The following DOCK2 variants were observed in gnomAD, a reference collection of about 807,000 sequenced individuals.
DOCK2 encodes dedicator of cytokinesis protein 2.
A neutral mutation model predicts 248.9 loss-of-function variants in DOCK2; 87 were observed. The observed-to-expected ratio is 0.35, with a 90% CI of 0.29 to 0.42. The LOEUF is 0.42. Ranked by LOEUF, DOCK2 falls within the 10% of genes least tolerant of loss-of-function variation. The pLI is 1.00. For missense variants in DOCK2, 1,747 were observed against 2,300.2 expected (o/e 0.76, Z 4.92); for synonymous variants, 805 against 821.6 (o/e 0.98, Z 0.35).
At chr5:169,854,188 A>T (rs1049332105) in intron 27 of DOCK2, among the ~76,000 whole-genome samples, 8 of 136,538 alleles carry the variant, frequency 5.9e-5, no homozygotes, top group South Asian at 4.7e-4. Context: ...TTACTGAAAC[A>T]TTTTTTTTTT....
At chr5:169,978,618 T>A (rs4867906) in intron 27 of DOCK2, among the ~76,000 whole-genome samples, 38,270 of 151,956 alleles carry the variant, frequency 0.25, 5,051 homozygotes, top group East Asian at 0.38. Context: ...GGGTTTCTCT[T>A]CTTCTCTCTC....
intron 25 of DOCK2, among the ~76,000 whole-genome samples, chr5:169,791,673 A>T (rs1766342906): frequency 6.6e-6 from 1 of 152,210 alleles, no homozygotes; most frequent in Non-Finnish European, 1.5e-5. Context: ...TTGGAGTCAG[A>T]CAGGTCCATG....
intron 27 of DOCK2, among the ~76,000 whole-genome samples, chr5:169,944,821 A>C (rs1438349529): frequency 3.3e-5 from 5 of 152,212 alleles, no homozygotes; most frequent in Admixed American, 2.0e-4. Flanking sequence ...GTTTCTGACC[A>C]TGGGAACAGC....
In DOCK2 at chr5:169,852,073, C is replaced by T. The variant is rs182789115; in HGVS notation, c.2799+11221C>T. 4.4e-3 allele frequency among the ~76,000 whole-genome samples: 665 copies of T among 151,880 alleles called. 8 individuals carry two copies. Among genetic ancestry groups the T allele is most frequent in the African/African-American group, 0.015 (626 of 41,450 alleles). The stretch of plus-strand genomic sequence containing the variant: ...CACATAGGGACTGCAGCTGTCAGCA[C>T]AGAGAGAGAGAGGGAAAGAGAGAGA... On this transcript the variant is annotated intron_variant, in intron 27 of 51. Transcript: ENST00000520908.
intron 25 of DOCK2, among the ~76,000 whole-genome samples, chr5:169,794,885 T>G (rs1581199352): frequency 6.6e-6 from 1 of 152,188 alleles, no homozygotes; most frequent in East Asian, 1.9e-4. Flanking sequence ...ATCGCGCCAC[T>G]GCACTCCAGC....
Position 170,056,786 on chromosome 5 carries a change from C to G in DOCK2, c.4380+18C>G. On this transcript the variant is annotated intron_variant, in intron 43 of 51. Coordinates refer to ENST00000520908, the MANE Select transcript of DOCK2 (RefSeq NM_004946.3). ...AGTTTGCTGTGAGTATCTTCCCTACCCTTGATCATTCCCTGGAGCCACCTG... is the reference window on the plus strand; with the variant it reads ...AGTTTGCTGTGAGTATCTTCCCTACGCTTGATCATTCCCTGGAGCCACCTG... The G allele has an allele frequency of 6.2e-7, 1 of 1,610,534 alleles. No individual in the cohort carries two copies. The highest frequency in any genetic ancestry group is 8.5e-7 in the Non-Finnish European group (1 of 1,177,580).
intron 49 of DOCK2, chr5:170,079,876 AT>A: frequency 3.0e-6 from 1 of 330,600 alleles, no homozygotes; most frequent in Non-Finnish European, 5.5e-6. Flanking sequence ...GCGTGGATGG[AT>A]AAGAATGGAA....
chr5:169,810,584 A>G (rs906526223), intron 26 of DOCK2, among the ~76,000 whole-genome samples: 2 of 152,118 alleles, frequency 1.3e-5, no homozygotes, highest in African/African-American at 2.4e-5. Context: ...AGGTTACTTC[A>G]GGTTACTTTC....
At chr5:169,894,782 T>TC (rs1402588890) in intron 27 of DOCK2, among the ~76,000 whole-genome samples, 1 of 151,340 alleles carries the variant, frequency 6.6e-6, no homozygotes, top group Non-Finnish European at 1.5e-5. Context: ...CATTATGCAC[T>TC]GGGCCCCAGG....
chr5:170,044,805 T>G (rs1052351550), intron 38 of DOCK2, among the ~76,000 whole-genome samples: 1 of 152,118 alleles, frequency 6.6e-6, no homozygotes, highest in African/African-American at 2.4e-5. Context: ...TTTGGCAACC[T>G]CCCCTCTCTC....
In DOCK2 at chr5:169,803,111, GAGC is replaced by G; in HGVS notation, c.2611_2613del (p.Gln871del). 1 of 1,614,176 alleles carries G rather than the reference GAGC, an allele frequency of 6.2e-7. No individual in the cohort carries two copies. Among genetic ancestry groups the G allele is most frequent in the South Asian group, 1.1e-5 (1 of 91,080 alleles). On this transcript the variant is annotated inframe_deletion, in exon 26 of 52. Coordinates refer to ENST00000520908, the MANE Select transcript of DOCK2 (RefSeq NM_004946.3). Reference sequence around the variant, plus strand: ...CACCAAAGAGCTGAAGGAGCTGCTGGAGCAGAAGGATGACATGCAACACCAGGT... The same window carrying G: ...CACCAAAGAGCTGAAGGAGCTGCTGGAGAAGGATGACATGCAACACCAGGT...
intron 39 of DOCK2, among the ~76,000 whole-genome samples, chr5:170,046,561 A>G (rs568081928): frequency 6.6e-6 from 1 of 152,348 alleles, no homozygotes; most frequent in African/African-American, 2.4e-5. Flanking sequence ...TTACAGAGTC[A>G]GAATGTTAGG....
At chr5:169,945,221 GC>G (rs1776397603) in intron 27 of DOCK2, among the ~76,000 whole-genome samples, 1 of 152,250 alleles carries the variant, frequency 6.6e-6, no homozygotes, top group South Asian at 2.1e-4. Flanking sequence ...GGAAAGTCAT[GC>G]AACCTCTCCA....
chr5:169,719,585 G>C (rs989456747), intron 22 of DOCK2, among the ~76,000 whole-genome samples: 1 of 152,156 alleles, frequency 6.6e-6, no homozygotes, highest in African/African-American at 2.4e-5. Flanking sequence ...GCATGGCTGA[G>C]TCCAGATGCT....
intron 17 of DOCK2, among the ~76,000 whole-genome samples, chr5:169,712,708 A>T (rs1761653292): frequency 6.6e-6 from 1 of 152,160 alleles, no homozygotes; most frequent in African/African-American, 2.4e-5. Context: ...CTTTTTTCTT[A>T]AGCAGTTGTG....
chr5:169,753,783 G>A (rs1764040627), intron 23 of DOCK2, among the ~76,000 whole-genome samples: 3 of 152,184 alleles, frequency 2.0e-5, no homozygotes, highest in Admixed American at 2.0e-4. Context: ...GATTAGTGAT[G>A]AGACTGAATG....
chr5:169,747,297 C>T, intron 22 of DOCK2, 99 bp from the exon 23 acceptor site: 2 of 1,103,648 alleles, frequency 1.8e-6, no homozygotes, highest in South Asian at 3.2e-5. Flanking sequence ...CCTCCCACTC[C>T]TTTTTGTTTT....
intron 6 of DOCK2, among the ~76,000 whole-genome samples, chr5:169,675,800 C>T (rs528933373): frequency 2.6e-5 from 4 of 152,248 alleles, no homozygotes; most frequent in Admixed American, 1.3e-4. Context: ...GCTTTCTTGC[C>T]CTGACATAAG....
intron 22 of DOCK2, among the ~76,000 whole-genome samples, chr5:169,743,811 G>A (rs1763457566): frequency 6.8e-6 from 1 of 147,808 alleles, no homozygotes; most frequent in South Asian, 2.1e-4. Flanking sequence ...TTTAAAATAT[G>A]TATATATATT....
Sources: gnomAD v4.1 joint callset for allele counts (sites outside exome capture counted in the v4.1 genomes callset) on GRCh38, gnomAD v4.1.1 for gene constraint, MANE v1.5 for transcripts, NCBI Gene and HGNC (gene_info 2026-07-23, HGNC 2026-07-21) for gene names.